ARAP1: variants seen among roughly 807,000 people sequenced by gnomAD.
ARAP1 encodes the protein arf-GAP with Rho-GAP domain, ANK repeat and PH domain-containing protein 1.
Under a neutral mutation model 172.2 loss-of-function variants are expected in ARAP1, and 76 were observed. The ratio of observed to expected loss-of-function variants is 0.44; its 90% confidence interval spans 0.37 to 0.53. The LOEUF is 0.53. Ranked by LOEUF, ARAP1 falls within the 20% of genes least tolerant of loss-of-function variation. ARAP1 has a pLI of 0.00. For missense variants in ARAP1, 1,686 were observed against 1,977.5 expected, an observed-to-expected ratio of 0.85 and a Z score of 2.80; for synonymous variants, 804 against 803.3, an observed-to-expected ratio of 1.00 and a Z score of -0.01.
Position 72,697,255 on chromosome 11 carries a change from G to A in ARAP1, c.2954-60C>T, listed in dbSNP as rs538811594. Reference sequence around the variant, plus strand: ...AGGCATAGAGTCATGGGGCGGGGCCGCGCAGCTCTGGGGCGGGAGGCGGCT... The same window carrying A: ...AGGCATAGAGTCATGGGGCGGGGCCACGCAGCTCTGGGGCGGGAGGCGGCT... On this transcript the variant is annotated intron_variant, in intron 21 of 34. Transcript: ENST00000393609. 196 of 1,585,992 alleles carry A rather than the reference G, an allele frequency of 1.2e-4. No individual in the cohort carries two copies. In the African/African-American group the frequency reaches 1.9e-3, roughly 16 times the overall value.
At chr11:72,707,466 G>T (rs962770283) in intron 11 of ARAP1, 92 bp from the exon 12 acceptor site, 15 of 1,255,994 alleles carry the variant, frequency 1.2e-5, no homozygotes, top group African/African-American at 1.5e-5. Flanking sequence ...GGGGGACAAG[G>T]TGTTGGGAGC....
In ARAP1 at chr11:72,710,474, G is replaced by C. The variant is rs138364636; in HGVS notation, c.1327C>G (p.Arg443Gly). ...CCACGAAGCTCCAGGCTGCCAGCGC[G>C]GTCAGGCTGCTCTGAGCCTGGAACT... ...LGVPGSEQPD[R>G]AGSLELRGFK... The change falls in exon 10 of 35, where the codon CGC becomes GGC. Residue 443 changes from arginine to glycine, a missense_variant. Arg to Gly is a moderately radical substitution (Grantham distance 125, BLOSUM62 -2). Coordinates refer to ENST00000393609, the MANE Select transcript of ARAP1 (RefSeq NM_001040118.3). The surrounding 1 kb of genome is among the most constrained non-coding windows in gnomAD (Gnocchi z 4.3). 6.2e-7 allele frequency: 1 copy of C among 1,614,080 alleles called. No individual in the cohort carries two copies. The highest frequency in any genetic ancestry group is 2.2e-5 in the East Asian group (1 of 44,860).
chr11:72,699,028 C>T lies in ARAP1; in HGVS notation c.2518G>A (p.Glu840Lys), dbSNP rs772851472. The T allele has an allele frequency of 3.1e-6, 5 of 1,614,176 alleles. No individual in the cohort carries two copies. The East Asian group carries it at 1.1e-4, about 36-fold the overall frequency. Residue 840 changes from glutamate (E) to lysine (K), a missense_variant, in exon 18 of 35, where the codon GAG becomes AAG. This residue lies in a region of ARAP1 where 688 missense variants were observed against 856.9 expected (regional missense o/e 0.80). Coordinates refer to ENST00000393609, the MANE Select transcript of ARAP1 (RefSeq NM_001040118.3). This position sits in a 1 kb window ranked among gnomAD's most constrained non-coding sequence, Gnocchi z 4.2. ...ACCTTAGCAATACACTTGACCCACT[C>T]ATGAGCCTGCTCCGCACTCTCCAGC... The part of the protein sequence containing the change: ...FGLESAEQAH[E>K]WVKCIAKAFV...
At chr11:72,719,319 G>A (rs1348658437) in intron 3 of ARAP1, among the ~76,000 whole-genome samples, 1 of 152,186 alleles carries the variant, frequency 6.6e-6, no homozygotes, top group Non-Finnish European at 1.5e-5. Flanking sequence ...GTTAAAAGAG[G>A]CACTATTAAT....
chr11:72,733,538 T>C (rs7123876), intron 1 of ARAP1, among the ~76,000 whole-genome samples: 42,853 of 151,894 alleles, frequency 0.28, 6,543 homozygotes, highest in African/African-American at 0.36. Flanking sequence ...AATAGGATAT[T>C]CCTGACAGGC....
At chr11:72,715,943 C>A (rs574057203) in intron 3 of ARAP1, among the ~76,000 whole-genome samples, 1 of 151,996 alleles carries the variant, frequency 6.6e-6, no homozygotes, top group Admixed American at 6.6e-5. Flanking sequence ...GAGGCCAAGG[C>A]GCGCGGATCA....
At chr11:72,722,173 A>G (rs868373286) in intron 3 of ARAP1, 15 of 971,214 alleles carry the variant, frequency 1.5e-5, no homozygotes, top group Non-Finnish European at 1.8e-5. Context: ...GAGAGAGAGA[A>G]AGACAGAGGG....
At chr11:72,735,188 C>T (rs1380383596) in intron 1 of ARAP1, among the ~76,000 whole-genome samples, 2 of 151,986 alleles carry the variant, frequency 1.3e-5, no homozygotes. Flanking sequence ...TGCCATGTTG[C>T]CCAGGCTGGT....
In ARAP1 at chr11:72,696,933, G is replaced by A. The variant is rs776807505; in HGVS notation, c.3166+50C>T. On this transcript the variant is annotated intron_variant, in intron 22 of 34. Coordinates refer to ENST00000393609, the MANE Select transcript of ARAP1 (RefSeq NM_001040118.3). The stretch of plus-strand genomic sequence containing the variant: ...CCACAAGGGAAGGGCGCAGGAGTCC[G>A]GAGGGATGGGTGGAGGAGGAGGAGG... 3.2e-6 allele frequency: 5 copies of A among 1,559,176 alleles called. No homozygotes were observed. The East Asian group carries it at 9.2e-5, about 29-fold the overall frequency.
At chr11:72,688,254 A>G (rs1279875257) in intron 31 of ARAP1, among the ~76,000 whole-genome samples, 1 of 152,054 alleles carries the variant, frequency 6.6e-6, no homozygotes, top group Non-Finnish European at 1.5e-5. Flanking sequence ...CCAAGTACTG[A>G]GATTACAGAT....
At chr11:72,702,206 G>T (rs370320977) in intron 15 of ARAP1, among the ~76,000 whole-genome samples, 63 of 152,134 alleles carry the variant, frequency 4.1e-4, no homozygotes, top group Non-Finnish European at 7.8e-4. Context: ...TCAGCGCCGT[G>T]GGGGGGCGGT....
In ARAP1 at chr11:72,726,254, C is replaced by T. The variant is rs1465658834; in HGVS notation, c.509+366G>A. ...TGCCTCTTGATGCCGGCATGGACCCCGATACCCTGCAGTATCTCACAGTTG... is the reference window on the plus strand; with the variant it reads ...TGCCTCTTGATGCCGGCATGGACCCTGATACCCTGCAGTATCTCACAGTTG... On this transcript the variant is annotated intron_variant, in intron 3 of 34. Coordinates refer to ENST00000393609, the MANE Select transcript of ARAP1 (RefSeq NM_001040118.3). This position sits in a 1 kb window ranked among gnomAD's most constrained non-coding sequence, Gnocchi z 6.5. Among the ~76,000 whole-genome samples, 3 of 152,108 alleles carry T rather than the reference C, an allele frequency of 2.0e-5. No individual in the cohort carries two copies. The highest frequency in any genetic ancestry group is 6.5e-5 in the Admixed American group (1 of 15,268).
rs1017747073 is a variant in ARAP1, at chr11:72,692,978, A to G, written c.3955-193T>C. 5 of 705,722 alleles carry G rather than the reference A, an allele frequency of 7.1e-6. No individual in the cohort carries two copies. The African/African-American group carries it at 7.1e-5, about 10-fold the overall frequency. 43.7% of individuals were successfully genotyped at this position (705,722 alleles called of 1,614,324 possible). ...GGGAGAAGGGTGGCCCGGGAGGCAT[A>G]TGACATACGATATGACAAGGCATGC... On this transcript the variant is annotated intron_variant, in intron 29 of 34. Coordinates refer to ENST00000393609, the MANE Select transcript of ARAP1 (RefSeq NM_001040118.3).
chr11:72,744,726 C>T (rs2135593535), intron 1 of ARAP1, among the ~76,000 whole-genome samples: 1 of 152,256 alleles, frequency 6.6e-6, no homozygotes, highest in East Asian at 1.9e-4. Flanking sequence ...ACTGGAGCAA[C>T]CTCCCTCCCC....
At position 72,715,945 on chromosome 11, in the gene ARAP1, C is replaced by T. The variant is rs549707087; in HGVS notation, c.510-1624G>A. Among the ~76,000 whole-genome samples the T allele has an allele frequency of 2.9e-3, 438 of 151,942 alleles. 1 individual carries two copies. Among genetic ancestry groups the T allele is most frequent in the Non-Finnish European group, 4.9e-3 (332 of 67,958 alleles). ...CCCAGCACTTTGGGAGGCCAAGGCG[C>T]GCGGATCACGAGGTCAGGAGATCGA... On this transcript the variant is annotated intron_variant, in intron 3 of 34. Transcript: ENST00000393609.
Position 72,711,490 on chromosome 11 carries a change from G to C in ARAP1, c.1032C>G (p.Ile344Met), listed in dbSNP as rs767022293. ...CCAGTCTCACCCATCGTTTCTGATA[G>C]ATGTAAGATCTGGAGAGGGAGAGGG... ...LDKNPPQGSY[I>M]YQKRWVRLDT... is the part of the protein sequence containing the mutation. The change falls in exon 8 of 35, where the codon ATC becomes ATG. Residue 344 changes from isoleucine to methionine, a missense_variant. Transcript: ENST00000393609. 7 of 1,612,528 alleles carry C rather than the reference G, an allele frequency of 4.3e-6. No individual in the cohort carries two copies. In the East Asian group the frequency reaches 6.7e-5, roughly 15 times the overall value.
rs906853246 is a variant in ARAP1, at chr11:72,741,106, G to A, written c.-127-8509C>T. ...TACCCCCGACCCCTAATGGGTCTGG[G>A]GACCCCTGCCGCTTCCCCCAACTCC... On this transcript the variant is annotated intron_variant, in intron 1 of 34. Coordinates refer to ENST00000393609, the MANE Select transcript of ARAP1 (RefSeq NM_001040118.3). This position sits in a 1 kb window ranked among gnomAD's most constrained non-coding sequence, Gnocchi z 4.5. Among the ~76,000 whole-genome samples, 1 of 130,210 alleles carries A rather than the reference G, an allele frequency of 7.7e-6. No homozygotes were observed. The highest frequency in any genetic ancestry group is 1.6e-5 in the Non-Finnish European group (1 of 62,860). The allele number at this position is 130,210 out of a possible 152,430, so 85.4% of individuals were successfully genotyped here.
chr11:72,693,585 C>T lies in ARAP1; in HGVS notation c.3808+107G>A. ...CAGCCTCTCCATAGAGGCCCACCCA[C>T]TTGGCGCCCTCTGTCTGAGCTGTTC... is the stretch of plus-strand genomic sequence containing the variant. On this transcript the variant is annotated intron_variant, in intron 28 of 34. Coordinates refer to ENST00000393609, the MANE Select transcript of ARAP1 (RefSeq NM_001040118.3). The surrounding 1 kb of genome is among the most constrained non-coding windows in gnomAD (Gnocchi z 4.6). 6.5e-7 allele frequency: 1 copy of T among 1,533,960 alleles called. No homozygotes were observed. The highest frequency in any genetic ancestry group is 8.8e-7 in the Non-Finnish European group (1 of 1,135,376).
chr11:72,734,269 T>C (rs61489692), intron 1 of ARAP1, among the ~76,000 whole-genome samples: 20,811 of 152,138 alleles, frequency 0.14, 1,786 homozygotes, highest in African/African-American at 0.23. Flanking sequence ...TACAAGTGCA[T>C]GCCACTGTGC....
Sources: gnomAD v4.1 joint callset for allele counts (sites outside exome capture counted in the v4.1 genomes callset) on GRCh38, gnomAD v4.1.1 for gene constraint, gnomAD v4.1.1 regional missense constraint, Gnocchi (gnomAD v3.1) non-coding constraint, MANE v1.5 for transcripts, NCBI Gene and HGNC (gene_info 2026-07-23, HGNC 2026-07-21) for gene names.